EFNA5: variants seen among roughly 807,000 people sequenced by gnomAD.
The protein encoded by EFNA5 is ephrin-A5.
A neutral mutation model predicts 22.9 loss-of-function variants in EFNA5; 5 were observed. That is an observed-to-expected ratio of 0.22 (90% confidence interval 0.11 to 0.46). The LOEUF (loss-of-function observed/expected upper bound fraction) is 0.46. Among genes scored for constraint, EFNA5 ranks in the 20% least tolerant of loss-of-function variants. The pLI, the probability that EFNA5 is intolerant of heterozygous loss-of-function variation, is 0.99. For missense variants in EFNA5, 237 were observed against 293.3 expected (o/e 0.81, Z 1.40); for synonymous variants, 113 against 112.2 (o/e 1.01, Z -0.04).
chr5:107,487,696 C>T (rs1367513964), intron 1 of EFNA5, among the ~76,000 whole-genome samples: 1 of 152,164 alleles, frequency 6.6e-6, no homozygotes, highest in Non-Finnish European at 1.5e-5. Context: ...TTGTTCAGCC[C>T]TGTAGCACCT....
chr5:107,670,786 G>T lies in EFNA5; in HGVS notation c.-173C>A, dbSNP rs1214907510. On this transcript the variant is annotated 5_prime_UTR_variant, in exon 1 of 5. Transcript: ENST00000333274. Reference sequence around the variant, plus strand: ...GAGGCGCCCACCAAGCTGGGGAGGGGTAGGAGAGCGAGAAGAAAAGAAGGC... The same window carrying T: ...GAGGCGCCCACCAAGCTGGGGAGGGTTAGGAGAGCGAGAAGAAAAGAAGGC... The T allele has an allele frequency of 3.6e-6, 3 of 843,516 alleles. No individual in the cohort carries two copies. Among genetic ancestry groups the T allele is most frequent in the East Asian group, 2.7e-5 (1 of 36,688 alleles). The allele number at this position is 843,516 out of a possible 1,614,324, so 52.3% of individuals were successfully genotyped here.
At chr5:107,670,436 C>G (rs1210410360) in intron 1 of EFNA5, 53 bp downstream of exon 1, 3 of 1,511,866 alleles carry the variant, frequency 2.0e-6, no homozygotes, top group African/African-American at 2.8e-5. Context: ...CCGCTCCTTC[C>G]GCAGGGCCCC....
At chr5:107,633,006 T>G (rs1750290849) in intron 1 of EFNA5, among the ~76,000 whole-genome samples, 1 of 152,202 alleles carries the variant, frequency 6.6e-6, no homozygotes, top group Non-Finnish European at 1.5e-5. Flanking sequence ...GGCACTTTTG[T>G]GTACAATGCA....
intron 1 of EFNA5, among the ~76,000 whole-genome samples, chr5:107,505,394 CT>C (rs1440863818): frequency 1.3e-5 from 2 of 152,156 alleles, no homozygotes; most frequent in Non-Finnish European, 2.9e-5. Context: ...TGTACTGATT[CT>C]CCATGCAACA....
chr5:107,530,852 C>G (rs1178154015), intron 1 of EFNA5, among the ~76,000 whole-genome samples: 1 of 152,162 alleles, frequency 6.6e-6, no homozygotes, highest in Non-Finnish European at 1.5e-5. Flanking sequence ...ATACAGTAGG[C>G]ACCTGATAAA....
At chr5:107,535,712 T>A (rs902793480) in intron 1 of EFNA5, among the ~76,000 whole-genome samples, 1 of 152,198 alleles carries the variant, frequency 6.6e-6, no homozygotes, top group Non-Finnish European at 1.5e-5. Context: ...TAGTGTCTGG[T>A]TCATTTTCTT....
intron 1 of EFNA5, among the ~76,000 whole-genome samples, chr5:107,584,367 T>C (rs1240495507): frequency 6.6e-6 from 1 of 152,186 alleles, no homozygotes; most frequent in Admixed American, 6.5e-5. Flanking sequence ...GAACCCCATT[T>C]TGATGTCCAC....
At chr5:107,612,528 T>C (rs1337642445) in intron 1 of EFNA5, among the ~76,000 whole-genome samples, 1 of 152,060 alleles carries the variant, frequency 6.6e-6, no homozygotes, top group Non-Finnish European at 1.5e-5. Context: ...AAAAAGTTCA[T>C]CCAAAATATC....
chr5:107,600,811 C>T (rs1214102479), intron 1 of EFNA5, among the ~76,000 whole-genome samples: 1 of 152,102 alleles, frequency 6.6e-6, no homozygotes, highest in African/African-American at 2.4e-5. Context: ...TCTTAATATA[C>T]AATTCTGAAG....
intron 1 of EFNA5, among the ~76,000 whole-genome samples, chr5:107,521,600 C>G (rs575391068): frequency 6.6e-6 from 1 of 151,608 alleles, no homozygotes; most frequent in East Asian, 1.9e-4. Flanking sequence ...CATGAGCCAC[C>G]AAGTACTAGT....
intron 1 of EFNA5, among the ~76,000 whole-genome samples, chr5:107,443,821 T>C (rs1286916208): frequency 6.6e-6 from 1 of 152,160 alleles, no homozygotes; most frequent in Non-Finnish European, 1.5e-5. Context: ...GGCACATGTA[T>C]ACGTATGTAA....
At chr5:107,647,840 AC>A (rs1750658482) in intron 1 of EFNA5, among the ~76,000 whole-genome samples, 1 of 152,128 alleles carries the variant, frequency 6.6e-6, no homozygotes, top group South Asian at 2.1e-4. Context: ...AGTCCAATTT[AC>A]CCATGAAACT....
chr5:107,537,471 T>C (rs1385652316), intron 1 of EFNA5, among the ~76,000 whole-genome samples: 1 of 152,148 alleles, frequency 6.6e-6, no homozygotes, highest in East Asian at 1.9e-4. Context: ...TGGTGGCGGC[T>C]GCCTGTAATC....
At chr5:107,655,754 G>T (rs1241798278) in intron 1 of EFNA5, among the ~76,000 whole-genome samples, 2 of 152,068 alleles carry the variant, frequency 1.3e-5, no homozygotes, top group Non-Finnish European at 2.9e-5. Flanking sequence ...ATAACCACCT[G>T]ACAATGCTAT....
intron 2 of EFNA5, among the ~76,000 whole-genome samples, chr5:107,410,819 T>C (rs1330784749): frequency 2.0e-5 from 3 of 152,228 alleles, no homozygotes; most frequent in Non-Finnish European, 4.4e-5. Flanking sequence ...CTTATATGAC[T>C]GGCCCTAGAT....
chr5:107,560,484 C>G (rs147517619), intron 1 of EFNA5, among the ~76,000 whole-genome samples: 3 of 152,292 alleles, frequency 2.0e-5, no homozygotes, highest in African/African-American at 4.8e-5. Flanking sequence ...TTGTTATTCA[C>G]CTTTAATATT....
intron 1 of EFNA5, among the ~76,000 whole-genome samples, chr5:107,625,369 A>G (rs1750121466): frequency 6.6e-6 from 1 of 152,024 alleles, no homozygotes. Flanking sequence ...TCAATCACCA[A>G]TTTCTCCCAA....
rs377247027 is a variant in EFNA5, at chr5:107,575,714, A to G, written c.125+94775T>C. On this transcript the variant is annotated intron_variant, in intron 1 of 4. Transcript: ENST00000333274. Reference sequence around the variant, plus strand: ...ACCCTTGAGGAGTTTACATTCCACTATGAGAATTGGGCCACAGAATGAAAA... The same window carrying G: ...ACCCTTGAGGAGTTTACATTCCACTGTGAGAATTGGGCCACAGAATGAAAA... Among the ~76,000 whole-genome samples, 113 of 152,302 alleles carry G rather than the reference A, an allele frequency of 7.4e-4. 1 individual carries two copies. In the South Asian group the frequency reaches 0.022, roughly 29 times the overall value.
intron 1 of EFNA5, among the ~76,000 whole-genome samples, chr5:107,442,088 A>G (rs1749270672): frequency 6.6e-6 from 1 of 152,170 alleles, no homozygotes; most frequent in Non-Finnish European, 1.5e-5. Context: ...CTGGCTTTGT[A>G]TCCTAGACAC....
Sources: allele counts gnomAD v4.1 joint callset (sites outside exome capture counted in the v4.1 genomes callset), GRCh38; gene constraint gnomAD v4.1.1; transcripts MANE v1.5; gene names NCBI Gene and HGNC (gene_info 2026-07-23, HGNC 2026-07-21).